Variants in PTGER3 observed in about 807,000 individuals in gnomAD.
PTGER3 encodes prostaglandin E receptor 3.
A neutral mutation model predicts 34.7 loss-of-function variants in PTGER3; 22 were observed. The observed-to-expected ratio is 0.63, with a 90% CI of 0.45 to 0.91. PTGER3 has a LOEUF of 0.91. Among genes scored for constraint, PTGER3 ranks in the 40% least tolerant of loss-of-function variants. The pLI, the probability that PTGER3 is intolerant of heterozygous loss-of-function variation, is 0.00. For synonymous variants in PTGER3, 241 were observed against 230.1 expected, an observed-to-expected ratio of 1.05 and a Z score of -0.43; for missense variants, 468 against 519.4, an observed-to-expected ratio of 0.90 and a Z score of 0.96.
chr1:71,032,471 A>G (rs765692467), intron 1 of PTGER3, among the ~76,000 whole-genome samples: 1 of 152,252 alleles, frequency 6.6e-6, no homozygotes, highest in Non-Finnish European at 1.5e-5. Flanking sequence ...AAGCAAAATT[A>G]AAACCTCACA....
chr1:70,889,182 G>A (rs1420677716), intron 4 of PTGER3, among the ~76,000 whole-genome samples: 2 of 151,826 alleles, frequency 1.3e-5, no homozygotes, highest in African/African-American at 2.4e-5. Flanking sequence ...TTGGGAGGCC[G>A]AGGTGGGTGG....
chr1:70,946,107 C>T (rs898307336), intron 4 of PTGER3, among the ~76,000 whole-genome samples: 3 of 152,056 alleles, frequency 2.0e-5, no homozygotes, highest in Non-Finnish European at 4.4e-5. Context: ...TCTGCTTTCC[C>T]TAGTCCCCTC....
chr1:71,016,721 TG>T (rs1346589037), intron 1 of PTGER3, among the ~76,000 whole-genome samples: 1 of 151,458 alleles, frequency 6.6e-6, no homozygotes, highest in Non-Finnish European at 1.5e-5. Context: ...GAGAATCACT[TG>T]AACCTAGGAG....
At chr1:70,859,225 C>T (rs1009027328) in intron 4 of PTGER3, among the ~76,000 whole-genome samples, 3 of 152,264 alleles carry the variant, frequency 2.0e-5, no homozygotes, top group South Asian at 2.1e-4. Flanking sequence ...TTAGAAAGAG[C>T]AAAGAATGAA....
intron 2 of PTGER3, among the ~76,000 whole-genome samples, chr1:70,990,735 C>G (rs1047272632): frequency 1.3e-5 from 2 of 151,920 alleles, no homozygotes; most frequent in African/African-American, 2.4e-5. Flanking sequence ...ACCTCAGCTT[C>G]CCAAAGTGCT....
In PTGER3 at chr1:70,862,454, T is replaced by C. The variant is rs1053816357; in HGVS notation, c.*24-9595A>G. The C allele has an allele frequency of 8.1e-5, 90 of 1,111,832 alleles. No homozygotes were observed. Among genetic ancestry groups the C allele is most frequent in the Non-Finnish European group, 1.1e-4 (84 of 790,330 alleles). The allele number at this position is 1,111,832 out of a possible 1,614,324, so 68.9% of individuals were successfully genotyped here. A position where few individuals can be genotyped will look rare whatever the true frequency, so the allele number is the denominator to read the frequency against. On this transcript the variant is annotated intron_variant, in intron 4 of 4. Transcript: ENST00000370931. ...CTGAAAAAGTCCTGCTTTCACACTGTTGAAGTGAAGTGAATGGATAATTTG... is the reference window on the plus strand; with the variant it reads ...CTGAAAAAGTCCTGCTTTCACACTGCTGAAGTGAAGTGAATGGATAATTTG...
chr1:70,999,100 A>G (rs1007295776), intron 2 of PTGER3, among the ~76,000 whole-genome samples: 7 of 152,182 alleles, frequency 4.6e-5, no homozygotes, highest in African/African-American at 1.7e-4. Flanking sequence ...ATAAATGTCA[A>G]TTGACCCCAG....
chr1:70,971,888 A>C (rs896898425), intron 3 of PTGER3, among the ~76,000 whole-genome samples, 155 bp from the exon 4 acceptor site: 1 of 152,196 alleles, frequency 6.6e-6, no homozygotes, highest in Non-Finnish European at 1.5e-5. Flanking sequence ...TGTGTTTTAG[A>C]TTTAAAAAAG....
intron 2 of PTGER3, among the ~76,000 whole-genome samples, chr1:71,004,846 A>G (rs1041395281): frequency 3.9e-5 from 6 of 152,224 alleles, no homozygotes; most frequent in Admixed American, 3.3e-4. Flanking sequence ...TAGTGGCAGC[A>G]CCACATTTTT....
chr1:70,932,339 T>G (rs1648788180), intron 4 of PTGER3, among the ~76,000 whole-genome samples: 1 of 152,180 alleles, frequency 6.6e-6, no homozygotes. Flanking sequence ...GTTCCAACCT[T>G]TGCCTGTTAC....
intron 4 of PTGER3, among the ~76,000 whole-genome samples, chr1:70,879,251 G>GTTTGTTTTGT (rs111740086): frequency 0.32 from 48,026 of 151,290 alleles, 8,307 homozygotes; most frequent in South Asian, 0.52. Flanking sequence ...TTTGTTTTTT[G>GTTTGTTTTGT]TTTGTTTTGT....
At chr1:71,010,823 A>T (rs1337097969) in intron 2 of PTGER3, 1 of 984,900 alleles carries the variant, frequency 1.0e-6, no homozygotes, top group African/African-American at 1.7e-5. Flanking sequence ...CCCAATTGAC[A>T]TAGGCTGGTG....
intron 4 of PTGER3, among the ~76,000 whole-genome samples, chr1:70,891,384 A>G (rs1388607576): frequency 1.3e-5 from 2 of 152,224 alleles, no homozygotes; most frequent in Non-Finnish European, 2.9e-5. Flanking sequence ...CCTCAGACCT[A>G]CAGTTGGATA....
intron 2 of PTGER3, among the ~76,000 whole-genome samples, chr1:70,974,815 C>T (rs938004365): frequency 8.5e-5 from 13 of 152,186 alleles, no homozygotes; most frequent in African/African-American, 3.1e-4. Context: ...ATTTCAAACT[C>T]TTTTCAAACT....
intron 2 of PTGER3, chr1:71,012,060 T>C (rs2100856722): frequency 6.9e-7 from 1 of 1,446,744 alleles, no homozygotes; most frequent in South Asian, 1.5e-5. Flanking sequence ...TTTTGGCACA[T>C]AGGGATTTTC....
intron 2 of PTGER3, chr1:71,008,001 C>T: frequency 1.0e-6 from 1 of 985,182 alleles, no homozygotes; most frequent in Non-Finnish European, 1.2e-6. Context: ...ACTTACTACA[C>T]AACAGATTCT....
At chr1:70,855,514 A>G (rs552574632) in intron 4 of PTGER3, among the ~76,000 whole-genome samples, 1 of 152,344 alleles carries the variant, frequency 6.6e-6, no homozygotes, top group Admixed American at 6.5e-5. Flanking sequence ...TTTTAAAAAT[A>G]AATAAATAAA....
intron 4 of PTGER3, among the ~76,000 whole-genome samples, chr1:70,880,989 T>C (rs1321117958): frequency 6.6e-6 from 1 of 152,230 alleles, no homozygotes; most frequent in African/African-American, 2.4e-5. Flanking sequence ...GATCATAACC[T>C]CAAATATGTT....
intron 4 of PTGER3, chr1:70,862,339 C>T (rs770421613): frequency 1.5e-6 from 2 of 1,365,422 alleles, no homozygotes; most frequent in East Asian, 4.6e-5. Context: ...ATACTTCATC[C>T]CAGGGTTAGG....
Sources: allele counts gnomAD v4.1 joint callset (sites outside exome capture counted in the v4.1 genomes callset), GRCh38; gene constraint gnomAD v4.1.1; transcripts MANE v1.5; gene names NCBI Gene and HGNC (gene_info 2026-07-23, HGNC 2026-07-21).